The following FRMD3 variants were observed in gnomAD, a reference collection of about 807,000 sequenced individuals.
The protein encoded by FRMD3 is FERM domain containing 3.
Under a neutral mutation model 70.2 loss-of-function variants are expected in FRMD3, and 33 were observed. The observed-to-expected ratio is 0.47, with a 90% CI of 0.36 to 0.63. The LOEUF (loss-of-function observed/expected upper bound fraction) is 0.63, where lower values mean the gene tolerates loss of function less well. Ranked by LOEUF, FRMD3 falls within the 20% of genes least tolerant of loss-of-function variation. The probability of loss-of-function intolerance (pLI) is 0.00; values close to 1 mark genes in which losing one functional copy is unlikely to be tolerated. For synonymous variants in FRMD3, 279 were observed against 255.9 expected (o/e 1.09, Z -0.86); for missense variants, 632 against 711.4 (o/e 0.89, Z 1.27).
chr9:83,315,365 T>C (rs1055146205), intron 6 of FRMD3, among the ~76,000 whole-genome samples: 2 of 152,180 alleles, frequency 1.3e-5, no homozygotes, highest in Admixed American at 1.3e-4. Flanking sequence ...GAGTGGGATG[T>C]GCCGTGTGGA....
intron 1 of FRMD3, among the ~76,000 whole-genome samples, chr9:83,513,331 A>G (rs1051786887): frequency 6.6e-6 from 1 of 152,250 alleles, no homozygotes; most frequent in Non-Finnish European, 1.5e-5. Context: ...AAATATCTGC[A>G]GAGAGTACTA....
intron 3 of FRMD3, among the ~76,000 whole-genome samples, chr9:83,358,842 A>G (rs1824491479): frequency 6.6e-6 from 1 of 152,128 alleles, no homozygotes; most frequent in Non-Finnish European, 1.5e-5. Flanking sequence ...TTCAATAATG[A>G]TATGGTTCGA....
chr9:83,467,071 G>A (rs1252909273), intron 1 of FRMD3, among the ~76,000 whole-genome samples: 2 of 152,120 alleles, frequency 1.3e-5, no homozygotes, highest in African/African-American at 4.8e-5. Context: ...TTAATATTGA[G>A]CAGGCTCTTA....
chr9:83,316,161 CTTT>C (rs34851421), intron 6 of FRMD3, among the ~76,000 whole-genome samples: 2 of 112,602 alleles, frequency 1.8e-5, no homozygotes, highest in Non-Finnish European at 3.5e-5. Flanking sequence ...TTTTTTTTTT[CTTT>C]TTTTTTTTTT....
chr9:83,443,576 T>C (rs150463991), intron 1 of FRMD3, among the ~76,000 whole-genome samples: 3,884 of 152,336 alleles, frequency 0.025, 76 homozygotes, highest in Non-Finnish European at 0.04. Context: ...GTCTTTGCTA[T>C]TGTGAATAGT....
chr9:83,302,616 T>C (rs1480900855), intron 10 of FRMD3, among the ~76,000 whole-genome samples: 1 of 152,138 alleles, frequency 6.6e-6, no homozygotes, highest in African/African-American at 2.4e-5. Flanking sequence ...CCTTCCTCCC[T>C]CCCTAATATC....
intron 6 of FRMD3, among the ~76,000 whole-genome samples, chr9:83,333,867 C>T (rs551938218): frequency 6.6e-6 from 1 of 152,178 alleles, no homozygotes; most frequent in Non-Finnish European, 1.5e-5. Flanking sequence ...TTGTACTTTC[C>T]TCATCCCACA....
chr9:83,369,252 G>T (rs551342734), intron 3 of FRMD3, among the ~76,000 whole-genome samples: 2 of 152,232 alleles, frequency 1.3e-5, no homozygotes, highest in African/African-American at 2.4e-5. Flanking sequence ...AATACCAGAA[G>T]CCACCAAAAC....
intron 13 of FRMD3, chr9:83,267,058 A>C: frequency 1.3e-6 from 2 of 1,550,974 alleles, no homozygotes; most frequent in Non-Finnish European, 8.7e-7. Flanking sequence ...GCAGACGAAC[A>C]AACACATTAC....
At chr9:83,455,956 C>T (rs1827805981) in intron 1 of FRMD3, among the ~76,000 whole-genome samples, 1 of 152,124 alleles carries the variant, frequency 6.6e-6, no homozygotes, top group African/African-American at 2.4e-5. Context: ...TACATGGGGG[C>T]ATTTTTCTAA....
the FRMD3 span, among the ~76,000 whole-genome samples, chr9:83,554,254 C>T: frequency 6.6e-6 from 1 of 152,132 alleles, no homozygotes; most frequent in African/African-American, 2.4e-5. Context: ...AACTGTGTTC[C>T]CTCTCAGTGC....
At chr9:83,324,209 G>A (rs755559970) in intron 6 of FRMD3, among the ~76,000 whole-genome samples, 14 of 152,152 alleles carry the variant, frequency 9.2e-5, no homozygotes, top group Non-Finnish European at 2.1e-4. Context: ...TACAGTATGA[G>A]TCCATTTATA....
chr9:83,372,865 A>G, intron 3 of FRMD3, 48 bp downstream of exon 3: 3 of 1,515,750 alleles, frequency 2.0e-6, no homozygotes, highest in Middle Eastern at 1.7e-4. Context: ...AACAGTATCT[A>G]TCTTTGGACA....
intron 13 of FRMD3, among the ~76,000 whole-genome samples, chr9:83,289,157 G>A (rs1202327289): frequency 6.6e-6 from 1 of 152,088 alleles, no homozygotes; most frequent in Admixed American, 6.6e-5. Flanking sequence ...AACCCTTAGT[G>A]ACCAGAAATT....
intron 3 of FRMD3, among the ~76,000 whole-genome samples, chr9:83,367,841 TA>T (rs2131243858): frequency 6.6e-6 from 1 of 152,360 alleles, no homozygotes; most frequent in African/African-American, 2.4e-5. Context: ...TTTCTGTGCC[TA>T]GAGTTGTTCT....
At chr9:83,325,538 T>C (rs140211524) in intron 6 of FRMD3, among the ~76,000 whole-genome samples, 15,646 of 151,816 alleles carry the variant, frequency 0.1, 921 homozygotes, top group East Asian at 0.23. Context: ...TTGCCCACGC[T>C]GGTCTCGAAC....
At chr9:83,434,776 G>C (rs1465527295) in intron 1 of FRMD3, among the ~76,000 whole-genome samples, 3 of 147,446 alleles carry the variant, frequency 2.0e-5, no homozygotes, top group Non-Finnish European at 1.5e-5. Flanking sequence ...ATAATTAACA[G>C]AAGATGCCAA....
At chr9:83,302,018 C>T (rs1355051050) in intron 10 of FRMD3, among the ~76,000 whole-genome samples, 3 of 152,162 alleles carry the variant, frequency 2.0e-5, no homozygotes, top group Admixed American at 1.3e-4. Context: ...AATGTTTCAG[C>T]TGAGATTTTT....
At chr9:83,352,092 A>T (rs1258135052) in intron 3 of FRMD3, among the ~76,000 whole-genome samples, 1 of 152,208 alleles carries the variant, frequency 6.6e-6, no homozygotes, top group African/African-American at 2.4e-5. Context: ...GAGTGTACTC[A>T]ATTATTCCCT....
Sources: gnomAD v4.1 joint callset for allele counts (sites outside exome capture counted in the v4.1 genomes callset) on GRCh38, gnomAD v4.1.1 for gene constraint, MANE v1.5 for transcripts, NCBI Gene and HGNC (gene_info 2026-07-23, HGNC 2026-07-21) for gene names.